The following RGS3 variants were observed in gnomAD, a reference collection of about 807,000 sequenced individuals.
RGS3 encodes the protein regulator of G protein signaling 3.
RGS3 carries 80 observed loss-of-function variants against 132.6 expected under a neutral mutation model. The observed-to-expected ratio is 0.60, with a 90% confidence interval of 0.50 to 0.73. The LOEUF (loss-of-function observed/expected upper bound fraction) is 0.73, where lower values mean the gene tolerates loss of function less well. Among genes scored for constraint, RGS3 ranks in the 30% least tolerant of loss-of-function variants. The pLI is 0.00. For missense variants in RGS3, 1,382 were observed against 1,530.8 expected (o/e 0.90, Z 1.62); for synonymous variants, 598 against 620.6 (o/e 0.96, Z 0.54).
intron 19 of RGS3, chr9:113,581,112 T>C: frequency 2.4e-6 from 1 of 414,834 alleles, no homozygotes; most frequent in Non-Finnish European, 3.2e-6. Flanking sequence ...TTGTTTCTCC[T>C]GATGGAGAAT....
chr9:113,472,331 C>T (rs558142126), intron 3 of RGS3, among the ~76,000 whole-genome samples: 147 of 152,294 alleles, frequency 9.7e-4, no homozygotes, highest in African/African-American at 2.8e-3. Context: ...ATGTTCATAA[C>T]GGCATTATTC....
chr9:113,550,424 C>T (rs967012965), intron 19 of RGS3, among the ~76,000 whole-genome samples: 3 of 152,108 alleles, frequency 2.0e-5, no homozygotes, highest in Admixed American at 1.3e-4. Context: ...AGAATAAATG[C>T]CTGTTAGTAG....
intron 1 of RGS3, among the ~76,000 whole-genome samples, chr9:113,461,440 T>A (rs1022178442): frequency 2.0e-5 from 3 of 152,086 alleles, no homozygotes; most frequent in African/African-American, 7.2e-5. Flanking sequence ...CTCTCCTCCA[T>A]CTCTTGAGGA....
chr9:113,507,515 C>T lies in RGS3; in HGVS notation c.1314C>T (p.Gly438=). The change falls in exon 13 of 25, where the codon GGC becomes GGT. Residue 438 remains glycine (G), a synonymous_variant. Transcript: ENST00000350696. The surrounding 1 kb of genome is among the most constrained non-coding windows in gnomAD (Gnocchi z 5.0). ...GCTCTGATGGGCTGCTGCTCGGCGG[C>T]TGGGAGCGCTACACCGAGGTGGCCA... 3 of 1,608,856 alleles carry T rather than the reference C, an allele frequency of 1.9e-6. No homozygotes were observed. The highest frequency in any genetic ancestry group is 1.7e-6 in the Non-Finnish European group (2 of 1,177,704).
intron 3 of RGS3, among the ~76,000 whole-genome samples, chr9:113,474,773 C>G (rs1161933165): frequency 6.6e-6 from 1 of 152,214 alleles, no homozygotes; most frequent in Admixed American, 6.5e-5. Flanking sequence ...AGGATGCCTG[C>G]TGCTTCATGC....
At position 113,447,319 on chromosome 9, in the gene RGS3, G is replaced by GTATA. The variant is rs557484546; in HGVS notation, c.-13+2395_-13+2396insATAT. 6.5e-3 allele frequency among the ~76,000 whole-genome samples: 141 copies of GTATA among 21,826 alleles called. 2 individuals are homozygous for GTATA. The highest frequency in any genetic ancestry group is 0.013 in the Non-Finnish European group (94 of 7,182). The allele number at this position is 21,826 out of a possible 152,430, so 14.3% of individuals were successfully genotyped here. ...AGGGTGTAAACCAATAAATTCTGAT[G>GTATA]TATGTATATGTATATATATATATAT... On this transcript the variant is annotated intron_variant, in intron 1 of 25. Transcript: ENST00000374140.
At chr9:113,475,370 CAG>C (rs952699420) in intron 3 of RGS3, among the ~76,000 whole-genome samples, 7 of 152,144 alleles carry the variant, frequency 4.6e-5, no homozygotes, top group Non-Finnish European at 8.8e-5. Context: ...TTGAAAAAAA[CAG>C]AGGTGTAGGA....
In RGS3 at chr9:113,501,566, G is replaced by T; in HGVS notation, c.897+3486G>T. On this transcript the variant is annotated intron_variant, in intron 10 of 24. Transcript: ENST00000350696. ...TTTCATGGGGCGGCAGCCGAGGCAGGACCCGCAGCCATGAACCGCTTCAAT... is the reference window on the plus strand; with the variant it reads ...TTTCATGGGGCGGCAGCCGAGGCAGTACCCGCAGCCATGAACCGCTTCAAT... The T allele has an allele frequency of 1.9e-6, 3 of 1,547,208 alleles. No individual in the cohort carries two copies. The South Asian group carries it at 3.5e-5, about 18-fold the overall frequency.
chr9:113,560,172 A>T (rs568063253), intron 19 of RGS3, among the ~76,000 whole-genome samples: 1 of 152,236 alleles, frequency 6.6e-6, no homozygotes, highest in African/African-American at 2.4e-5. Flanking sequence ...GGGGCATGGG[A>T]CTGTCCATGG....
intron 10 of RGS3, among the ~76,000 whole-genome samples, chr9:113,502,897 G>A (rs918398097): frequency 6.6e-6 from 1 of 152,184 alleles, no homozygotes; most frequent in Non-Finnish European, 1.5e-5. Flanking sequence ...TTATCTCCTA[G>A]TCAGTAAAAT....
chr9:113,553,892 T>G (rs1270235807), intron 19 of RGS3, among the ~76,000 whole-genome samples: 1 of 152,212 alleles, frequency 6.6e-6, no homozygotes, highest in Non-Finnish European at 1.5e-5. Context: ...CTTCTCCCTC[T>G]ATTTTGAATA....
chr9:113,560,821 G>A (rs547238196), intron 19 of RGS3, among the ~76,000 whole-genome samples: 2 of 152,316 alleles, frequency 1.3e-5, no homozygotes, highest in South Asian at 4.1e-4. Flanking sequence ...AGAGCAGCCT[G>A]GGGTGGTCAC....
At chr9:113,474,867 C>T (rs1043887864) in intron 3 of RGS3, among the ~76,000 whole-genome samples, 1 of 152,164 alleles carries the variant, frequency 6.6e-6, no homozygotes, top group African/African-American at 2.4e-5. Context: ...CCGGCTGATC[C>T]CTGAGTCTAG....
intron 19 of RGS3, among the ~76,000 whole-genome samples, chr9:113,552,509 G>A (rs1833382966): frequency 9.2e-5 from 14 of 152,032 alleles, no homozygotes; most frequent in Admixed American, 9.2e-4. Context: ...TAGTAGAGAC[G>A]GGGTTTCAAT....
chr9:113,549,644 C>T (rs1833249282), intron 19 of RGS3, among the ~76,000 whole-genome samples: 1 of 152,206 alleles, frequency 6.6e-6, no homozygotes, highest in Non-Finnish European at 1.5e-5. Flanking sequence ...TTCGTTTATA[C>T]ACACATATAT....
chr9:113,559,083 G>T (rs1190418367), intron 19 of RGS3, among the ~76,000 whole-genome samples: 1 of 152,220 alleles, frequency 6.6e-6, no homozygotes, highest in Admixed American at 6.5e-5. Flanking sequence ...TGATGGCTTG[G>T]GCTCAAGCCC....
intron 10 of RGS3, among the ~76,000 whole-genome samples, chr9:113,503,014 C>G (rs1295301724): frequency 6.6e-6 from 1 of 152,190 alleles, no homozygotes; most frequent in African/African-American, 2.4e-5. Flanking sequence ...GTGTTTAATA[C>G]ATGGCAGAAT....
At position 113,514,668 on chromosome 9, in the gene RGS3, T is replaced by G. The variant is rs1398433019; in HGVS notation, c.1674+14T>G. The stretch of plus-strand genomic sequence containing the variant: ...GTCTTTGTTCAGGTGAGCCCGTGGC[T>G]GGTCTTAAAGGTTCCCTCAGGAGGA... On this transcript the variant is annotated intron_variant, in intron 15 of 24. Coordinates refer to ENST00000350696, the Ensembl canonical transcript of RGS3. 4 of 1,612,002 alleles carry G rather than the reference T, an allele frequency of 2.5e-6. No individual in the cohort carries two copies. The highest frequency in any genetic ancestry group is 3.4e-6 in the Non-Finnish European group (4 of 1,179,486).
chr9:113,530,003 A>G (rs774496813), intron 18 of RGS3, among the ~76,000 whole-genome samples: 2 of 152,188 alleles, frequency 1.3e-5, no homozygotes, highest in Non-Finnish European at 2.9e-5. Flanking sequence ...ATACTTTTCA[A>G]TTTTCGGTGA....
Sources: gnomAD v4.1 joint callset for allele counts (sites outside exome capture counted in the v4.1 genomes callset) on GRCh38, gnomAD v4.1.1 for gene constraint, Gnocchi (gnomAD v3.1) non-coding constraint, MANE v1.5 for transcripts, NCBI Gene and HGNC (gene_info 2026-07-23, HGNC 2026-07-21) for gene names.